XRCC4: variants seen among roughly 807,000 people sequenced by gnomAD.
The protein encoded by XRCC4 is DNA repair protein XRCC4.
XRCC4 carries 28 observed loss-of-function variants against 39.1 expected under a neutral mutation model. The ratio of observed to expected loss-of-function variants is 0.72; its 90% confidence interval spans 0.53 to 0.98. The LOEUF (loss-of-function observed/expected upper bound fraction) is 0.98. Ranked by LOEUF, XRCC4 falls within the 50% of genes least tolerant of loss-of-function variation. The pLI is 0.00. For synonymous variants in XRCC4, 123 were observed against 126.4 expected, an observed-to-expected ratio of 0.97 and a Z score of 0.18; for missense variants, 350 against 376.4, an observed-to-expected ratio of 0.93 and a Z score of 0.58.
At chr5:83,101,221 G>A (rs1218490620) in intron 1 of XRCC4, among the ~76,000 whole-genome samples, 1 of 151,974 alleles carries the variant, frequency 6.6e-6, no homozygotes, top group East Asian at 1.9e-4. Context: ...TTTTCTCTTT[G>A]CATATTTATA....
At chr5:83,232,454 G>T (rs760361654) in intron 6 of XRCC4, among the ~76,000 whole-genome samples, 7 of 151,990 alleles carry the variant, frequency 4.6e-5, no homozygotes, top group Admixed American at 1.3e-4. Flanking sequence ...TTCTGGGACT[G>T]CTCCACAAAG....
chr5:83,180,741 G>A (rs996788486), intron 3 of XRCC4, among the ~76,000 whole-genome samples: 5 of 152,064 alleles, frequency 3.3e-5, no homozygotes, highest in Admixed American at 6.6e-5. Context: ...TTTTTCAAGA[G>A]GTCATTCATT....
chr5:83,248,637 T>C (rs1753197908), intron 6 of XRCC4, among the ~76,000 whole-genome samples: 1 of 152,192 alleles, frequency 6.6e-6, no homozygotes, highest in South Asian at 2.1e-4. Flanking sequence ...TAATCATTGC[T>C]AACTGTAATT....
chr5:83,277,115 G>A (rs192824625), intron 7 of XRCC4, among the ~76,000 whole-genome samples: 142 of 152,296 alleles, frequency 9.3e-4, no homozygotes, highest in Middle Eastern at 6.8e-3. Flanking sequence ...AACCTTTCAA[G>A]TTGTAGATTC....
chr5:83,173,527 T>C (rs1190413247), intron 3 of XRCC4, among the ~76,000 whole-genome samples: 1 of 152,144 alleles, frequency 6.6e-6, no homozygotes, highest in African/African-American at 2.4e-5. Context: ...CTTTCTAGAT[T>C]GTATAGTCAA....
rs565342377 is a variant in XRCC4 at position 83,184,469 on chromosome 5, G to A, written c.316-11301G>A. 1.6e-4 allele frequency among the ~76,000 whole-genome samples: 25 copies of A among 151,920 alleles called. 1 individual carries two copies. In the South Asian group the frequency reaches 2.5e-3, roughly 15 times the overall value. ...ATAGCTGACATTTTTTAATGGGAAG[G>A]AGCTAGAATTTTATAGTTAGGAAAA... On this transcript the variant is annotated intron_variant, in intron 3 of 7. Coordinates refer to ENST00000396027, the MANE Select transcript of XRCC4 (RefSeq NM_003401.5).
At chr5:83,173,875 T>C (rs931552395) in intron 3 of XRCC4, among the ~76,000 whole-genome samples, 1 of 152,214 alleles carries the variant, frequency 6.6e-6, no homozygotes, top group Non-Finnish European at 1.5e-5. Context: ...GGGAAGAGTT[T>C]AGAACAAGTC....
intron 5 of XRCC4, 55 bp downstream of exon 5, chr5:83,203,762 C>T (rs1342009243): frequency 6.3e-7 from 1 of 1,587,406 alleles, no homozygotes; most frequent in African/African-American, 1.4e-5. Context: ...AGTGGAATTT[C>T]TTCCCAAAGT....
At chr5:83,245,234 T>TAA (rs201263177) in intron 6 of XRCC4, among the ~76,000 whole-genome samples, 27 of 146,106 alleles carry the variant, frequency 1.8e-4, no homozygotes, top group African/African-American at 6.5e-4. Context: ...GTGTTTTGGT[T>TAA]AAAAAAAAAA....
At chr5:83,231,128 G>A (rs1377688550) in intron 6 of XRCC4, among the ~76,000 whole-genome samples, 1 of 151,952 alleles carries the variant, frequency 6.6e-6, no homozygotes, top group African/African-American at 2.4e-5. Flanking sequence ...GAGAGCTCAT[G>A]TCTAATCTTC....
intron 6 of XRCC4, among the ~76,000 whole-genome samples, chr5:83,244,913 T>G (rs1011777728): frequency 6.6e-6 from 1 of 152,226 alleles, no homozygotes; most frequent in Non-Finnish European, 1.5e-5. Context: ...ATTCAACTTC[T>G]TAGAAATTGG....
intron 3 of XRCC4, among the ~76,000 whole-genome samples, chr5:83,142,330 AAACT>A (rs543233823): frequency 2.1e-3 from 148 of 70,304 alleles, no homozygotes; most frequent in African/African-American, 0.01. Context: ...TTAGATGAGG[AAACT>A]AACTCTCAGT....
intron 6 of XRCC4, among the ~76,000 whole-genome samples, chr5:83,255,426 T>C (rs1040317107): frequency 5.9e-5 from 9 of 152,220 alleles, no homozygotes; most frequent in African/African-American, 2.2e-4. Context: ...GCCCTTTTTC[T>C]TCATGCCAAT....
intron 3 of XRCC4, among the ~76,000 whole-genome samples, chr5:83,164,677 G>A (rs923958950): frequency 1.3e-5 from 2 of 152,072 alleles, no homozygotes; most frequent in Non-Finnish European, 2.9e-5. Context: ...CAAACATGTT[G>A]TACAACTTAA....
chr5:83,116,042 C>T (rs1237571790), intron 3 of XRCC4, among the ~76,000 whole-genome samples: 2 of 152,114 alleles, frequency 1.3e-5, no homozygotes, highest in Non-Finnish European at 2.9e-5. Flanking sequence ...TGTGCTTCTG[C>T]AGACTGATTT....
chr5:83,159,391 G>A (rs920160826), intron 3 of XRCC4, among the ~76,000 whole-genome samples: 1 of 152,098 alleles, frequency 6.6e-6, no homozygotes, highest in Non-Finnish European at 1.5e-5. Flanking sequence ...TAGTGCATGC[G>A]ATTAAATGAT....
At chr5:83,266,504 C>G (rs542743505) in intron 7 of XRCC4, among the ~76,000 whole-genome samples, 1 of 151,248 alleles carries the variant, frequency 6.6e-6, no homozygotes, top group South Asian at 2.1e-4. Context: ...AGAAAGAAAT[C>G]AGATATGAGA....
intron 3 of XRCC4, among the ~76,000 whole-genome samples, chr5:83,163,399 C>A (rs1037840354): frequency 6.6e-6 from 1 of 152,120 alleles, no homozygotes. Context: ...TGATTACTGT[C>A]GATTGATATG....
chr5:83,154,226 A>G (rs16900195), intron 3 of XRCC4, among the ~76,000 whole-genome samples: 2,215 of 152,274 alleles, frequency 0.015, 62 homozygotes, highest in African/African-American at 0.051. Flanking sequence ...GAAGATGTCA[A>G]TATGGAATTA....
Sources: allele counts gnomAD v4.1 joint callset (sites outside exome capture counted in the v4.1 genomes callset), GRCh38; gene constraint gnomAD v4.1.1; transcripts MANE v1.5; gene names NCBI Gene and HGNC (gene_info 2026-07-23, HGNC 2026-07-21).